TENM1: variants seen among roughly 807,000 people sequenced by gnomAD.
The protein encoded by TENM1 is teneurin-1.
A neutral mutation model predicts 174.8 loss-of-function variants in TENM1; 35 were observed. That is an observed-to-expected ratio of 0.20 (90% CI 0.15 to 0.27). The LOEUF (loss-of-function observed/expected upper bound fraction) is 0.27. Ranked by LOEUF, TENM1 falls within the 10% of genes least tolerant of loss-of-function variation. The probability of loss-of-function intolerance (pLI) is 1.00; values close to 1 mark genes in which losing one functional copy is unlikely to be tolerated. For synonymous variants in TENM1, 781 were observed against 798.7 expected (o/e 0.98, Z 0.37); for missense variants, 1,633 against 2,130.1 (o/e 0.77, Z 4.59).
At chrX:124,916,084 G>C (rs1458177712) in intron 1 of TENM1, among the ~76,000 whole-genome samples, 1 of 111,480 alleles carries the variant, frequency 9.0e-6, no homozygotes, top group Non-Finnish European at 1.9e-5. Flanking sequence ...TTGGCTTACA[G>C]TGATTCCCCC....
chrX:124,971,294 A>G, the TENM1 span, among the ~76,000 whole-genome samples: 1 of 111,544 alleles, frequency 9.0e-6, no homozygotes, highest in African/African-American at 3.3e-5. Context: ...ATAATAATAA[A>G]AAAAAGTACA....
At chrX:124,471,139 A>AATATATAATATATATTATGTC (rs2061296660) in intron 22 of TENM1, among the ~76,000 whole-genome samples, 1 of 83,521 alleles carries the variant, frequency 1.2e-5, no homozygotes, top group Non-Finnish European at 2.2e-5. Flanking sequence ...AATATATAGT[A>AATATATAATATATATTATGTC]ATATATAATA....
the TENM1 span, among the ~76,000 whole-genome samples, chrX:125,153,541 A>G: frequency 6.2e-5 from 7 of 112,509 alleles, no homozygotes; most frequent in South Asian, 2.5e-3. Context: ...AAATAATCCC[A>G]TCTAACATTT....
chrX:124,651,716 TA>T (rs1006423288), intron 8 of TENM1, among the ~76,000 whole-genome samples, 197 bp downstream of exon 11: 2 of 111,024 alleles, frequency 1.8e-5, no homozygotes, highest in East Asian at 2.8e-4. Context: ...AAAGTAGCAT[TA>T]AAAAAAATCT....
intron 3 of TENM1, among the ~76,000 whole-genome samples, chrX:124,783,414 C>G (rs1006722586): frequency 2.7e-5 from 3 of 111,502 alleles, no homozygotes; most frequent in Non-Finnish European, 3.8e-5. Flanking sequence ...TTGCTTAGAA[C>G]AATCTAGCAT....
intron 16 of TENM1, among the ~76,000 whole-genome samples, chrX:124,527,643 CT>C (rs1019878579): frequency 3.8e-5 from 4 of 104,074 alleles, no homozygotes; most frequent in African/African-American, 1.4e-4. Flanking sequence ...GTATATTTTT[CT>C]TTTTTCTTTT....
chrX:124,585,907 A>C (rs1988525353), intron 11 of TENM1, among the ~76,000 whole-genome samples: 1 of 111,150 alleles, frequency 9.0e-6, no homozygotes, highest in Non-Finnish European at 1.9e-5. Flanking sequence ...TACTACAGAT[A>C]CCTCTACACA....
At chrX:124,930,108 C>T (rs1183350743) in intron 1 of TENM1, among the ~76,000 whole-genome samples, 1 of 109,722 alleles carries the variant, frequency 9.1e-6, no homozygotes, top group African/African-American at 3.3e-5. Context: ...TCCCCGCTGC[C>T]ACCCCATACC....
At chrX:124,420,287 C>G in intron 25 of TENM1, 24 bp downstream of exon 28, 3 of 1,177,459 alleles carry the variant, frequency 2.5e-6, no homozygotes, top group Non-Finnish European at 3.4e-6. Flanking sequence ...CTAACAAAGC[C>G]CATGTCAAGA....
At chrX:124,876,976 C>T (rs908872787) in intron 3 of TENM1, among the ~76,000 whole-genome samples, 5 of 111,975 alleles carry the variant, frequency 4.5e-5, no homozygotes, top group African/African-American at 1.6e-4. Flanking sequence ...AGAATTGGTT[C>T]TTGAATTTAT....
At chrX:124,450,975 C>T (rs1209338331) in intron 23 of TENM1, among the ~76,000 whole-genome samples, 1 of 112,228 alleles carries the variant, frequency 8.9e-6, no homozygotes, top group Admixed American at 9.5e-5. Context: ...CTCTGTGATA[C>T]ACTAATCAAT....
chrX:124,803,305 T>C (rs191745651), intron 3 of TENM1, among the ~76,000 whole-genome samples: 2 of 112,194 alleles, frequency 1.8e-5, no homozygotes, highest in African/African-American at 6.5e-5. Context: ...CTTTGCTCCC[T>C]GGAGGCAACC....
rs143406511 is a variant in TENM1 at position 124,540,346 on chromosome X, T to G, written c.2651+6528A>C. 2.6e-3 allele frequency among the ~76,000 whole-genome samples: 294 copies of G among 112,290 alleles called. 1 individual carries two copies. The highest frequency in any genetic ancestry group is 9.1e-3 in the African/African-American group (283 of 30,969). ...GAATGGCAGAAGAATCTGGTATCTC[T>G]TCTATCTCTTTCTGAGGTAGTAAAG... is the stretch of plus-strand genomic sequence containing the variant. On this transcript the variant is annotated intron_variant, in intron 15 of 31. Transcript: ENST00000422452.
the TENM1 span, among the ~76,000 whole-genome samples, chrX:125,111,203 G>A: frequency 9.0e-6 from 1 of 111,570 alleles, no homozygotes; most frequent in African/African-American, 3.3e-5. Context: ...AAATGCAAGC[G>A]GTGCACCTAA....
the TENM1 span, among the ~76,000 whole-genome samples, chrX:125,164,296 C>T: frequency 3.6e-5 from 4 of 111,651 alleles, no homozygotes; most frequent in African/African-American, 1.3e-4. Flanking sequence ...CAATCCCTCT[C>T]AGAATACTAT....
chrX:124,849,344 T>C (rs1356470021), intron 3 of TENM1, among the ~76,000 whole-genome samples: 3 of 111,177 alleles, frequency 2.7e-5, no homozygotes, highest in Non-Finnish European at 5.7e-5. Context: ...GGGATATCAC[T>C]CTCACAATTA....
At chrX:124,952,854 A>G (rs1194249746) in intron 1 of TENM1, among the ~76,000 whole-genome samples, 1 of 111,784 alleles carries the variant, frequency 8.9e-6, no homozygotes, top group African/African-American at 3.2e-5. Context: ...TTCATGTGTC[A>G]CAAGAATGAC....
intron 3 of TENM1, among the ~76,000 whole-genome samples, chrX:124,877,997 A>T (rs768276328): frequency 9.0e-6 from 1 of 111,657 alleles, no homozygotes; most frequent in Non-Finnish European, 1.9e-5. Flanking sequence ...AAAGGTCTTC[A>T]TCTTCATCTT....
chrX:125,133,913 T>C, the TENM1 span, among the ~76,000 whole-genome samples: 87 of 112,139 alleles, frequency 7.8e-4, no homozygotes, highest in East Asian at 8.4e-4. Flanking sequence ...AAAAGCCTAT[T>C]GCCCTTAGGG....
Sources: allele counts gnomAD v4.1 joint callset (sites outside exome capture counted in the v4.1 genomes callset), GRCh38; gene constraint gnomAD v4.1.1; transcripts MANE v1.5; gene names NCBI Gene and HGNC (gene_info 2026-07-23, HGNC 2026-07-21).